Variants in CHN1 observed in about 807,000 individuals in gnomAD.
CHN1 encodes chimerin 1.
A neutral mutation model predicts 59.5 loss-of-function variants in CHN1; 37 were observed. That is an observed-to-expected ratio of 0.62 (90% CI 0.48 to 0.82). The LOEUF (loss-of-function observed/expected upper bound fraction) is 0.82, where lower values mean the gene tolerates loss of function less well. Ranked by LOEUF, CHN1 falls within the 40% of genes least tolerant of loss-of-function variation. The probability of loss-of-function intolerance (pLI) is 0.00; values close to 1 mark genes in which losing one functional copy is unlikely to be tolerated. For synonymous variants in CHN1, 206 were observed against 200.4 expected (o/e 1.03, Z -0.24); for missense variants, 469 against 571.0 (o/e 0.82, Z 1.82).
intron 3 of CHN1, among the ~76,000 whole-genome samples, chr2:174,933,851 T>C (rs1219432389): frequency 6.6e-6 from 1 of 152,204 alleles, no homozygotes; most frequent in Non-Finnish European, 1.5e-5. Context: ...CCTATGAGGT[T>C]AAGCAAGAAT....
chr2:174,865,447 GC>G (rs1687188610), intron 6 of CHN1, among the ~76,000 whole-genome samples: 1 of 152,122 alleles, frequency 6.6e-6, no homozygotes, highest in African/African-American at 2.4e-5. Flanking sequence ...TATTAAGACA[GC>G]CCCCTAGAAT....
chr2:174,877,753 G>T, intron 6 of CHN1, 87 bp downstream of exon 6: 2 of 1,227,928 alleles, frequency 1.6e-6, no homozygotes, highest in South Asian at 1.7e-5. Context: ...AAAGCACTGT[G>T]GATAAATCAA....
intron 7 of CHN1, among the ~76,000 whole-genome samples, chr2:174,842,014 A>G (rs1269579073): frequency 6.6e-6 from 1 of 152,230 alleles, no homozygotes; most frequent in Non-Finnish European, 1.5e-5. Context: ...AAATCTAATT[A>G]AAAGAAAACA....
rs565520055 is a variant in CHN1, at chr2:174,799,159, C to T, written c.*957G>A. The stretch of plus-strand genomic sequence containing the variant: ...GCTCTGGTAGGAACTCCTGCCCAAC[C>T]TCTCATTAAAAAGTATGTCAAGAAA... On this transcript the variant is annotated 3_prime_UTR_variant, in exon 13 of 13. Coordinates refer to ENST00000409900, the MANE Select transcript of CHN1 (RefSeq NM_001822.7). 5.6e-4 allele frequency among the ~76,000 whole-genome samples: 86 copies of T among 152,320 alleles called. No homozygotes were observed. The highest frequency in any genetic ancestry group is 2.0e-3 in the African/African-American group (84 of 41,570).
intron 3 of CHN1, among the ~76,000 whole-genome samples, chr2:174,921,546 T>C (rs530873535): frequency 6.6e-6 from 1 of 152,208 alleles, no homozygotes; most frequent in African/African-American, 2.4e-5. Context: ...AACTTTTCAT[T>C]AAAATTATAT....
chr2:174,863,773 TA>T (rs1380387956), intron 6 of CHN1, among the ~76,000 whole-genome samples: 3 of 152,018 alleles, frequency 2.0e-5, no homozygotes, highest in Admixed American at 1.3e-4. Context: ...GATAGAAAGA[TA>T]AATACATTAA....
Position 174,812,398 on chromosome 2 carries a change from T to A in CHN1, c.797A>T (p.Tyr266Phe). 6.2e-7 allele frequency: 1 copy of A among 1,613,988 alleles called. No homozygotes were observed. The highest frequency in any genetic ancestry group is 2.2e-5 in the East Asian group (1 of 44,888). The change falls in exon 9 of 13, where the codon TAC becomes TTC. Residue 266 changes from tyrosine to phenylalanine, a missense_variant. Tyr to Phe is a conservative substitution (Grantham distance 22). Transcript: ENST00000409900. The part of the protein sequence containing the change: ...KPDLKHVKKV[Y>F]SCDLTTLVKA... ...CACGAGCGTCGTAAGGTCACAGCTGTACACCTTTTTGACATGCTTCAAGTC... is the reference window on the plus strand; with the variant it reads ...CACGAGCGTCGTAAGGTCACAGCTGAACACCTTTTTGACATGCTTCAAGTC...
intron 1 of CHN1, among the ~76,000 whole-genome samples, chr2:174,976,126 C>CAAAAAAAAA (rs71031078): frequency 2.0e-5 from 1 of 50,182 alleles, no homozygotes; most frequent in African/African-American, 8.9e-5. Context: ...GACTCCGTCT[C>CAAAAAAAAA]AAAAAAAAAA....
At chr2:174,897,252 G>T (rs1043921856) in intron 5 of CHN1, among the ~76,000 whole-genome samples, 1 of 152,112 alleles carries the variant, frequency 6.6e-6, no homozygotes, top group Non-Finnish European at 1.5e-5. Context: ...TACACTTACT[G>T]AATTTTTATT....
chr2:174,840,688 G>A (rs567858758), intron 7 of CHN1, among the ~76,000 whole-genome samples: 1 of 152,220 alleles, frequency 6.6e-6, no homozygotes, highest in South Asian at 2.1e-4. Context: ...TTTTATTTTA[G>A]GTTAGAGAAT....
chr2:174,862,418 C>T (rs559447298), intron 6 of CHN1, among the ~76,000 whole-genome samples: 26 of 151,968 alleles, frequency 1.7e-4, no homozygotes, highest in South Asian at 1.0e-3. Flanking sequence ...CTGCAACCTC[C>T]GCCTCCCGGG....
At chr2:174,912,115 C>T (rs533371618) in intron 5 of CHN1, among the ~76,000 whole-genome samples, 10 of 151,840 alleles carry the variant, frequency 6.6e-5, no homozygotes, top group Non-Finnish European at 1.0e-4. Flanking sequence ...GTGAAAAATA[C>T]GGAAATATAA....
At position 175,005,069 on chromosome 2, in the gene CHN1, C is replaced by T; in HGVS notation, c.-157G>A. ...CGCCCGGGGAGGCTGCAGGCCGGGA[C>T]GCGGGGGACCGCTGCAAGAAAAAGT... On this transcript the variant is annotated 5_prime_UTR_variant, in exon 1 of 13. Coordinates refer to ENST00000409900, the MANE Select transcript of CHN1 (RefSeq NM_001822.7). 3.0e-6 allele frequency: 4 copies of T among 1,335,512 alleles called. No homozygotes were observed. Among genetic ancestry groups the T allele is most frequent in the Middle Eastern group, 5.7e-4 (2 of 3,506 alleles). 82.7% of individuals were successfully genotyped at this position (1,335,512 alleles called of 1,614,324 possible). A position where few individuals can be genotyped will look rare whatever the true frequency, so the allele number is the denominator to read the frequency against.
rs150601873 is a variant in CHN1 at position 174,892,817 on chromosome 2, T to C, written c.261-14689A>G. Among the ~76,000 whole-genome samples, 1,183 of 152,144 alleles carry C rather than the reference T, an allele frequency of 7.8e-3. 11 individuals are homozygous for C. Among genetic ancestry groups the C allele is most frequent in the Admixed American group, 0.016 (237 of 15,266 alleles). ...TGCAAGAATGAGTCACTATACAAAA[T>C]ATAAATGTAATACACTACATTGACA... is the stretch of plus-strand genomic sequence containing the variant. On this transcript the variant is annotated intron_variant, in intron 5 of 12. Transcript: ENST00000409900.
At chr2:174,817,493 C>CTCGCTCTG (rs1685310598) in intron 8 of CHN1, among the ~76,000 whole-genome samples, 1 of 149,134 alleles carries the variant, frequency 6.7e-6, no homozygotes, top group Non-Finnish European at 1.5e-5. Flanking sequence ...AAAACAGGGT[C>CTCGCTCTG]TCGCTCTGTC....
At chr2:174,861,124 A>G (rs189199394) in intron 6 of CHN1, among the ~76,000 whole-genome samples, 28 of 152,356 alleles carry the variant, frequency 1.8e-4, no homozygotes, top group Admixed American at 3.3e-4. Context: ...AACTAGCTGT[A>G]AAAGAATCTT....
At position 174,950,514 on chromosome 2, in the gene CHN1, A is replaced by G. The variant is rs113969343; in HGVS notation, c.58+1650T>C. On this transcript the variant is annotated intron_variant, in intron 2 of 12. Transcript: ENST00000409900. ...TGACCTCAGGTGATCCACCCACCTC[A>G]GCCTCCCAAAGTGTTGGGATTACAT... is the stretch of plus-strand genomic sequence containing the variant. Among the ~76,000 whole-genome samples, 1,259 of 152,144 alleles carry G rather than the reference A, an allele frequency of 8.3e-3. 6 individuals are homozygous for G. The highest frequency in any genetic ancestry group is 0.015 in the Non-Finnish European group (1,011 of 67,994).
chr2:174,808,789 G>T, intron 11 of CHN1, 116 bp downstream of exon 11: 1 of 1,098,380 alleles, frequency 9.1e-7, no homozygotes, highest in Non-Finnish European at 1.4e-6. Context: ...ATTAACCATA[G>T]AGAGAGGCAA....
At chr2:174,815,932 C>T (rs1414749716) in intron 8 of CHN1, among the ~76,000 whole-genome samples, 2 of 151,988 alleles carry the variant, frequency 1.3e-5, no homozygotes, top group Non-Finnish European at 2.9e-5. Flanking sequence ...TTTTTAAATG[C>T]TACTGCAGTG....
Sources: gnomAD v4.1 joint callset for allele counts (sites outside exome capture counted in the v4.1 genomes callset) on GRCh38, gnomAD v4.1.1 for gene constraint, MANE v1.5 for transcripts, NCBI Gene and HGNC (gene_info 2026-07-23, HGNC 2026-07-21) for gene names.